The following WDHD1 variants were observed in gnomAD, a reference collection of about 807,000 sequenced individuals.
WDHD1 encodes the protein WD repeat and HMG-box DNA-binding protein 1.
In WDHD1, 111 loss-of-function variants were observed where a neutral mutation model predicts 135.4. That is an observed-to-expected ratio of 0.82 (90% CI 0.70 to 0.96). The LOEUF (loss-of-function observed/expected upper bound fraction) is 0.96, where lower values mean the gene tolerates loss of function less well. WDHD1 is among the 40% of genes least tolerant of loss of function. The pLI, the probability that WDHD1 is intolerant of heterozygous loss-of-function variation, is 0.00. For synonymous variants in WDHD1, 434 were observed against 439.0 expected (o/e 0.99, Z 0.14); for missense variants, 1,351 against 1,336.3 (o/e 1.01, Z -0.17).
chr14:54,984,486 C>A (rs2041666589), intron 15 of WDHD1, among the ~76,000 whole-genome samples: 2 of 152,108 alleles, frequency 1.3e-5, no homozygotes, highest in South Asian at 2.1e-4. Context: ...CAGAGCCAGA[C>A]CCTGTCTTAA....
chr14:55,019,186 A>G (rs1407267875), intron 2 of WDHD1, among the ~76,000 whole-genome samples: 1 of 152,250 alleles, frequency 6.6e-6, no homozygotes, highest in Non-Finnish European at 1.5e-5. Flanking sequence ...ACCATGGGAC[A>G]GACAGGCTAA....
In WDHD1 at chr14:54,995,829, A is replaced by G; in HGVS notation, c.943-16T>C. The G allele has an allele frequency of 6.7e-7, 1 of 1,501,206 alleles. No individual in the cohort carries two copies. The allele number at this position is 1,501,206 out of a possible 1,614,324, so 93.0% of individuals were successfully genotyped here. ...TGCTAGATACCTTGAACAAATTAAT[A>G]CAAATTATAAAGTAAAAGTGAATGA... On this transcript the variant is annotated splice_polypyrimidine_tract_variant and intron_variant, in intron 10 of 25. Transcript: ENST00000360586.
At chr14:55,006,635 A>C (rs1234679495) in intron 7 of WDHD1, among the ~76,000 whole-genome samples, 1 of 152,148 alleles carries the variant, frequency 6.6e-6, no homozygotes, top group Non-Finnish European at 1.5e-5. Flanking sequence ...CTGTTGTCTA[A>C]CTGTATCAGT....
chr14:54,993,754 TTTG>T (rs1023361552), intron 11 of WDHD1, among the ~76,000 whole-genome samples: 2 of 149,304 alleles, frequency 1.3e-5, no homozygotes, highest in Non-Finnish European at 3.0e-5. Flanking sequence ...ACTAATTTTT[TTTG>T]TTTTTCATAA....
At chr14:54,960,261 G>A (rs1002534879) in intron 21 of WDHD1, among the ~76,000 whole-genome samples, 12 of 152,038 alleles carry the variant, frequency 7.9e-5, no homozygotes, top group South Asian at 2.1e-4. Context: ...TCTGCCTCCC[G>A]GGTTCACGCC....
chr14:54,980,834 G>A (rs2041607505), intron 16 of WDHD1, among the ~76,000 whole-genome samples: 1 of 147,418 alleles, frequency 6.8e-6, no homozygotes, highest in Admixed American at 6.9e-5. Context: ...AACTCAGCTG[G>A]GCGTGGTGGC....
chr14:55,000,832 T>C (rs1016455613), intron 9 of WDHD1, 54 bp downstream of exon 9: 14 of 1,314,092 alleles, frequency 1.1e-5, no homozygotes, highest in Non-Finnish European at 1.4e-5. Flanking sequence ...ATAAAACAAA[T>C]ACAAAACTAA....
intron 7 of WDHD1, among the ~76,000 whole-genome samples, chr14:55,002,966 A>G (rs2042000014): frequency 6.6e-6 from 1 of 152,170 alleles, no homozygotes; most frequent in Non-Finnish European, 1.5e-5. Flanking sequence ...GAAAATAAAG[A>G]CAGAATCCTT....
intron 16 of WDHD1, among the ~76,000 whole-genome samples, chr14:54,967,966 C>T (rs373104897): frequency 2.0e-5 from 3 of 152,134 alleles, no homozygotes; most frequent in African/African-American, 7.2e-5. Flanking sequence ...GTGAAATCAG[C>T]TCTCTTCATA....
At chr14:54,997,682 G>A (rs1347534691) in intron 10 of WDHD1, among the ~76,000 whole-genome samples, 4 of 151,832 alleles carry the variant, frequency 2.6e-5, no homozygotes, top group Admixed American at 6.6e-5. Context: ...GGAGGCCGAG[G>A]TGGGCAGATC....
At chr14:55,023,451 C>T (rs911966087) in intron 2 of WDHD1, among the ~76,000 whole-genome samples, 6 of 152,180 alleles carry the variant, frequency 3.9e-5, no homozygotes, top group East Asian at 1.9e-4. Context: ...TGTGAGCAAC[C>T]GCAACTGCAG....
intron 21 of WDHD1, among the ~76,000 whole-genome samples, chr14:54,962,246 A>C (rs1023927178): frequency 6.6e-6 from 1 of 152,154 alleles, no homozygotes; most frequent in African/African-American, 2.4e-5. Flanking sequence ...TAAAACAGAG[A>C]TCAACCACAC....
intron 24 of WDHD1, among the ~76,000 whole-genome samples, chr14:54,944,762 G>A (rs1333377873): frequency 6.6e-6 from 1 of 151,902 alleles, no homozygotes; most frequent in Non-Finnish European, 1.5e-5. Context: ...TGGGATTACA[G>A]GCATGCGCCA....
In WDHD1 at chr14:54,989,100, A is replaced by C. The variant is rs761890357; in HGVS notation, c.1454T>G (p.Leu485Trp). 6.2e-7 allele frequency: 1 copy of C among 1,613,854 alleles called. No individual in the cohort carries two copies. Among genetic ancestry groups the C allele is most frequent in the Middle Eastern group, 1.7e-4 (1 of 6,058 alleles). Reference sequence around the variant, plus strand: ...GGAAAGATCTGCTATTGTATAATTCAAAGTGTTTGATAAGTGTGTTGCATG... The same window carrying C: ...GGAAAGATCTGCTATTGTATAATTCCAAGTGTTTGATAAGTGTGTTGCATG... Reference protein sequence around the residue: ...IHHATHLSNTLNYTIADLSHE... With the variant: ...IHHATHLSNTWNYTIADLSHE... Residue 485 changes from leucine to tryptophan, a missense_variant, in exon 13 of 26, where the codon TTG (leucine) becomes TGG (tryptophan). By Grantham distance (61) the Leu-to-Trp change is moderately conservative (BLOSUM62 -2). Coordinates refer to ENST00000360586, the MANE Select transcript of WDHD1 (RefSeq NM_007086.4).
chr14:54,963,008 TGCTGTCAATTCG>T lies in WDHD1; in HGVS notation c.2463_2474del (p.Glu822_Ala825del). On this transcript the variant is annotated inframe_deletion, in exon 19 of 26. Transcript: ENST00000360586. ...CTTCTTCTTCCTCTTCCACCTGGGT[TGCTGTCAATTCG>T]GCTGCCTTCTCTACAGCCAGTTCAC... 6.2e-7 allele frequency: 1 copy of T among 1,613,968 alleles called. No individual in the cohort carries two copies. The highest frequency in any genetic ancestry group is 8.5e-7 in the Non-Finnish European group (1 of 1,179,962).
At chr14:54,954,943 G>A (rs1225327244) in intron 24 of WDHD1, among the ~76,000 whole-genome samples, 1 of 152,078 alleles carries the variant, frequency 6.6e-6, no homozygotes, top group Non-Finnish European at 1.5e-5. Flanking sequence ...TGGTCAGGCT[G>A]GTCTCGAACT....
chr14:54,959,987 G>A (rs1305187212), intron 21 of WDHD1, among the ~76,000 whole-genome samples: 2 of 152,100 alleles, frequency 1.3e-5, no homozygotes, highest in South Asian at 2.1e-4. Context: ...AGATTCAAAT[G>A]TGCTTAAGTT....
chr14:54,979,797 T>C (rs1159094148), intron 16 of WDHD1, among the ~76,000 whole-genome samples: 1 of 152,246 alleles, frequency 6.6e-6, no homozygotes, highest in Non-Finnish European at 1.5e-5. Flanking sequence ...GTAACTATTA[T>C]TGTTAGTTTC....
At chr14:55,002,752 A>T (rs1253415810) in intron 7 of WDHD1, among the ~76,000 whole-genome samples, 1 of 151,930 alleles carries the variant, frequency 6.6e-6, no homozygotes, top group African/African-American at 2.4e-5. Context: ...CTACAGCCCA[A>T]CTAATTTTTT....
Sources: gnomAD v4.1 joint callset for allele counts (sites outside exome capture counted in the v4.1 genomes callset) on GRCh38, gnomAD v4.1.1 for gene constraint, MANE v1.5 for transcripts, NCBI Gene and HGNC (gene_info 2026-07-23, HGNC 2026-07-21) for gene names.